NCF2: variants seen among roughly 807,000 people sequenced by gnomAD.
The protein encoded by NCF2 is neutrophil cytosolic factor 2.
In NCF2, 45 loss-of-function variants were observed where a neutral mutation model predicts 70.9. The ratio of observed to expected loss-of-function variants is 0.63; its 90% CI spans 0.50 to 0.81. The LOEUF is 0.81. Ranked by LOEUF, NCF2 falls within the 40% of genes least tolerant of loss-of-function variation. The pLI, the probability that NCF2 is intolerant of heterozygous loss-of-function variation, is 0.00. For missense variants in NCF2, 522 were observed against 631.6 expected, an observed-to-expected ratio of 0.83 and a Z score of 1.86; for synonymous variants, 203 against 233.6, an observed-to-expected ratio of 0.87 and a Z score of 1.19.
At chr1:183,580,672 T>C (rs959579004) in intron 2 of NCF2, among the ~76,000 whole-genome samples, 46 of 152,264 alleles carry the variant, frequency 3.0e-4, no homozygotes, top group African/African-American at 1.1e-3. Context: ...AATAATTCCC[T>C]AGCCCATCAA....
rs1042620494 is a variant in NCF2 at position 183,569,367 on chromosome 1, A to G, written c.670-182T>C. ...AGTCACCCTGACTAAACACTGGGAA[A>G]TAACACCTCCCACCAGCTCCCCAGG... On this transcript the variant is annotated intron_variant, in intron 6 of 14. Coordinates refer to ENST00000367535, the MANE Select transcript of NCF2 (RefSeq NM_000433.4). The G allele has an allele frequency of 3.6e-5, 24 of 660,732 alleles. No homozygotes were observed. The Middle Eastern group carries it at 1.1e-3, about 29-fold the overall frequency. The allele number at this position is 660,732 out of a possible 1,614,324, so 40.9% of individuals were successfully genotyped here.
intron 6 of NCF2, 132 bp downstream of exon 6, chr1:183,570,648 C>A (rs1672500943): frequency 1.0e-5 from 9 of 898,154 alleles, no homozygotes; most frequent in Middle Eastern, 2.2e-4. Context: ...AGGCAGATCC[C>A]TCAGCTGCAC....
At chr1:183,600,139 T>C in the NCF2 span, among the ~76,000 whole-genome samples, 1 of 152,168 alleles carries the variant, frequency 6.6e-6, no homozygotes, top group Non-Finnish European at 1.5e-5. Context: ...AAGCTCCAAA[T>C]GGAGTTTGAT....
At chr1:183,576,740 G>A (rs1047682317) in intron 3 of NCF2, among the ~76,000 whole-genome samples, 8 of 152,190 alleles carry the variant, frequency 5.3e-5, no homozygotes, top group African/African-American at 1.9e-4. Flanking sequence ...CCCAGGGGCC[G>A]AGGGCGGCTA....
At chr1:183,590,602 T>C (rs1673601263), upstream of NCF2, 6 of 507,180 alleles carry the variant, frequency 1.2e-5, no homozygotes, top group Non-Finnish European at 2.2e-5. Flanking sequence ...AGGGGTGGAG[T>C]GTGGAGGAGA....
chr1:183,586,237 GC>G (rs1673343827), intron 2 of NCF2, among the ~76,000 whole-genome samples: 1 of 152,230 alleles, frequency 6.6e-6, no homozygotes, highest in Admixed American at 6.5e-5. Flanking sequence ...GGGAGGGTAA[GC>G]CAGGAGAATC....
rs917575809 is a variant in NCF2, at chr1:183,574,919, TA to T, written c.367-299del. Among the ~76,000 whole-genome samples, 4 of 152,002 alleles carry T rather than the reference TA, an allele frequency of 2.6e-5. No homozygotes were observed. In the East Asian group the frequency reaches 7.7e-4, roughly 29 times the overall value. Reference sequence around the variant, plus strand: ...TGTATACAGTGTGTTCAAACCAGGTTAAAAAAAAGAAGAAGAATTGTTGTGT... The same window carrying T: ...TGTATACAGTGTGTTCAAACCAGGTTAAAAAAAGAAGAAGAATTGTTGTGT... On this transcript the variant is annotated intron_variant, in intron 3 of 14. Coordinates refer to ENST00000367535, the MANE Select transcript of NCF2 (RefSeq NM_000433.4).
upstream of NCF2, among the ~76,000 whole-genome samples, chr1:183,595,039 A>T (rs779821954): frequency 6.6e-6 from 1 of 152,236 alleles, no homozygotes; most frequent in Non-Finnish European, 1.5e-5. Context: ...TAATTAAATG[A>T]ACTGAAAAAT....
chr1:183,560,675 A>T lies in NCF2; in HGVS notation c.1291-402T>A, dbSNP rs555129171. Among the ~76,000 whole-genome samples the T allele has an allele frequency of 6.7e-4, 102 of 152,344 alleles. 1 individual carries two copies. Among genetic ancestry groups the T allele is most frequent in the Admixed American group, 2.0e-3 (30 of 15,304 alleles). ...AGAATCTAATGCTGCTGCTGATCTG[A>T]CAGGAGGCAGAGCTCAGGCCAGTAT... On this transcript the variant is annotated intron_variant, in intron 13 of 14. Transcript: ENST00000367535.
chr1:183,593,067 C>T (rs140349805), upstream of NCF2, among the ~76,000 whole-genome samples: 93 of 152,258 alleles, frequency 6.1e-4, no homozygotes, highest in African/African-American at 2.1e-3. Flanking sequence ...TGAACTCCTG[C>T]ATCTCCTTCT....
chr1:183,571,803 T>G (rs1441940897), intron 5 of NCF2, among the ~76,000 whole-genome samples: 1 of 152,216 alleles, frequency 6.6e-6, no homozygotes, highest in Non-Finnish European at 1.5e-5. Flanking sequence ...GCTCTCTCAG[T>G]GCTTAGAGGC....
At chr1:183,568,262 A>G (rs780269537) in intron 7 of NCF2, among the ~76,000 whole-genome samples, 2 of 151,956 alleles carry the variant, frequency 1.3e-5, no homozygotes, top group Non-Finnish European at 2.9e-5. Flanking sequence ...TCCTGAGTGC[A>G]AGTGAGCCTC....
In NCF2 at chr1:183,565,159, G is replaced by T. The variant is rs560290739; in HGVS notation, c.1000+545C>A. On this transcript the variant is annotated intron_variant, in intron 10 of 14. Coordinates refer to ENST00000367535, the MANE Select transcript of NCF2 (RefSeq NM_000433.4). ...GAATCTGGCCAACCACTCACTCTGC[G>T]TCTCTACCAAGCGCTTATCCAGAAT... 5.3e-5 allele frequency among the ~76,000 whole-genome samples: 8 copies of T among 152,294 alleles called. No homozygotes were observed. The South Asian group carries it at 1.7e-3, about 32-fold the overall frequency.
chr1:183,573,033 C>T, intron 5 of NCF2, 152 bp downstream of exon 5: 1 of 779,038 alleles, frequency 1.3e-6, no homozygotes, highest in Non-Finnish European at 2.3e-6. Flanking sequence ...GCCTATCTTT[C>T]AGCCAAACCT....
chr1:183,570,736 G>A lies in NCF2; in HGVS notation c.669+44C>T, dbSNP rs750490687. 4.4e-6 allele frequency: 7 copies of A among 1,589,676 alleles called. No homozygotes were observed. In the East Asian group the frequency reaches 1.6e-4, roughly 36 times the overall value. On this transcript the variant is annotated intron_variant, in intron 6 of 14. Transcript: ENST00000367535. ...TCTCGAATTGAATGCTTCACAGAAA[G>A]CTCTCGAGACCTAGGTCCATGGAGA... is the stretch of plus-strand genomic sequence containing the variant.
chr1:183,571,015 C>T (rs530696845), intron 5 of NCF2, among the ~76,000 whole-genome samples, 176 bp from the exon 6 acceptor site: 5 of 151,892 alleles, frequency 3.3e-5, no homozygotes, highest in South Asian at 2.1e-4. Flanking sequence ...ACTGAAGAAA[C>T]GAGCATTCAC....
At chr1:183,600,215 A>T in the NCF2 span, among the ~76,000 whole-genome samples, 122 of 152,324 alleles carry the variant, frequency 8.0e-4, no homozygotes, top group African/African-American at 2.7e-3. Flanking sequence ...GGAAGATGAC[A>T]ATTCTTGACA....
upstream of NCF2, chr1:183,590,867 G>A (rs1673608986): frequency 5.7e-6 from 1 of 174,416 alleles, no homozygotes; most frequent in Non-Finnish European, 1.3e-5. Flanking sequence ...CCTGAAGGCT[G>A]AAAGACTAGG....
At chr1:183,586,011 C>T (rs1037264163) in intron 2 of NCF2, among the ~76,000 whole-genome samples, 10 of 152,300 alleles carry the variant, frequency 6.6e-5, no homozygotes, top group Non-Finnish European at 1.2e-4. Flanking sequence ...TGGGACTATG[C>T]TATATGAACT....
Sources: allele counts gnomAD v4.1 joint callset (sites outside exome capture counted in the v4.1 genomes callset), GRCh38; gene constraint gnomAD v4.1.1; transcripts MANE v1.5; gene names NCBI Gene and HGNC (gene_info 2026-07-23, HGNC 2026-07-21).